Variants in CDK5RAP2 observed in about 807,000 individuals in gnomAD.
CDK5RAP2 encodes the protein CDK5 regulatory subunit associated protein 2, also known as CDK5 regulatory subunit-associated protein 2.
Under a neutral mutation model 232.9 loss-of-function variants are expected in CDK5RAP2, and 147 were observed. That is an observed-to-expected ratio of 0.63 (90% CI 0.55 to 0.72). The LOEUF is 0.72. Among genes scored for constraint, CDK5RAP2 ranks in the 30% least tolerant of loss-of-function variants. CDK5RAP2 has a pLI of 0.00. For synonymous variants in CDK5RAP2, 833 were observed against 833.7 expected, an observed-to-expected ratio of 1.00 and a Z score of 0.01; for missense variants, 2,195 against 2,231.5, an observed-to-expected ratio of 0.98 and a Z score of 0.33.
At position 120,550,825 on chromosome 9, in the gene CDK5RAP2, T is replaced by C. The variant is rs1313839757; in HGVS notation, c.273A>G (p.Glu91=). ...IYFLEERMQQ[E]FHGPTEHIYK... is the part of the protein sequence containing the mutation. ...AGATATGTTCAGTGGGGCCATGAAA[T>C]TCCTGTTGCATTCTTTCCTCAAGGA... The change falls in exon 4 of 38, where the codon GAA becomes GAG. Residue 91 remains glutamate (E), a synonymous_variant. Coordinates refer to ENST00000349780, the MANE Select transcript of CDK5RAP2 (RefSeq NM_018249.6). 1.2e-6 allele frequency: 2 copies of C among 1,612,680 alleles called. No individual in the cohort carries two copies. The highest frequency in any genetic ancestry group is 2.2e-5 in the East Asian group (1 of 44,844).
chr9:120,508,633 C>T (rs2039941038), intron 12 of CDK5RAP2, among the ~76,000 whole-genome samples: 1 of 152,188 alleles, frequency 6.6e-6, no homozygotes, highest in African/African-American at 2.4e-5. Context: ...TCATGGACCC[C>T]AAACCTTGGC....
intron 12 of CDK5RAP2, among the ~76,000 whole-genome samples, chr9:120,507,910 TAAAAAAAAAAAAAAAAAAAA>T (rs1161123095): frequency 1.7e-5 from 1 of 59,430 alleles, no homozygotes; most frequent in African/African-American, 8.2e-5. Context: ...ACTGGCTGAT[TAAAAAAAAAAAAAAAAAAAA>T]AAAAAAAAAA....
chr9:120,532,654 G>A (rs775049531), intron 7 of CDK5RAP2: 1 of 152,394 alleles, frequency 6.6e-6, no homozygotes, highest in African/African-American at 2.4e-5. Flanking sequence ...CCACAAAGAG[G>A]GCCACACCCT....
intron 20 of CDK5RAP2, among the ~76,000 whole-genome samples, chr9:120,454,238 G>A (rs370530211): frequency 7.2e-5 from 11 of 152,308 alleles, no homozygotes; most frequent in African/African-American, 1.4e-4. Flanking sequence ...ACTCTACCCC[G>A]CCAGCCAACC....
intron 12 of CDK5RAP2, among the ~76,000 whole-genome samples, chr9:120,508,559 T>C (rs939890112): frequency 3.3e-5 from 5 of 152,242 alleles, no homozygotes; most frequent in Non-Finnish European, 7.3e-5. Flanking sequence ...AAGGGCTTGA[T>C]GTAGCTTTCA....
At chr9:120,415,399 A>G (rs1384738224) in intron 27 of CDK5RAP2, among the ~76,000 whole-genome samples, 2 of 152,236 alleles carry the variant, frequency 1.3e-5, no homozygotes, top group Non-Finnish European at 2.9e-5. Flanking sequence ...CATAGAAAAA[A>G]TTATATTCCA....
intron 12 of CDK5RAP2, among the ~76,000 whole-genome samples, chr9:120,509,520 TAA>T (rs1187282428): frequency 6.6e-6 from 1 of 152,232 alleles, no homozygotes; most frequent in Non-Finnish European, 1.5e-5. Context: ...TTAATGAGTT[TAA>T]GCTGTTGGCT....
At chr9:120,496,079 C>T (rs2039209828) in intron 12 of CDK5RAP2, among the ~76,000 whole-genome samples, 6 of 59,264 alleles carry the variant, frequency 1.0e-4, no homozygotes, top group Admixed American at 2.5e-4. Flanking sequence ...AGGTGAGGGG[C>T]GCCTCTGCCC....
At chr9:120,559,753 G>A (rs1421179817) in intron 3 of CDK5RAP2, among the ~76,000 whole-genome samples, 2 of 152,076 alleles carry the variant, frequency 1.3e-5, no homozygotes, top group Non-Finnish European at 2.9e-5. Context: ...TACTGTGGAA[G>A]TGCAGCCATC....
chr9:120,568,880 C>T (rs1205402501), intron 2 of CDK5RAP2, among the ~76,000 whole-genome samples: 5 of 152,162 alleles, frequency 3.3e-5, no homozygotes, highest in Non-Finnish European at 7.3e-5. Context: ...AAAACAGCCA[C>T]AAACAATCCA....
At position 120,525,948 on chromosome 9, in the gene CDK5RAP2, C is replaced by A. The variant is rs554788121; in HGVS notation, c.1000-870G>T. Among the ~76,000 whole-genome samples, 6 of 152,316 alleles carry A rather than the reference C, an allele frequency of 3.9e-5. No homozygotes were observed. In the South Asian group the frequency reaches 1.2e-3, roughly 32 times the overall value. Reference sequence around the variant, plus strand: ...ACTATCACTAGGAGGCAAATCTCTGCTGCATCTGACAGTGGTGATCATTCA... The same window carrying A: ...ACTATCACTAGGAGGCAAATCTCTGATGCATCTGACAGTGGTGATCATTCA... On this transcript the variant is annotated intron_variant, in intron 10 of 37. Transcript: ENST00000349780.
At chr9:120,564,980 G>A (rs758938583) in intron 3 of CDK5RAP2, among the ~76,000 whole-genome samples, 33 of 152,136 alleles carry the variant, frequency 2.2e-4, no homozygotes, top group Admixed American at 9.2e-4. Flanking sequence ...CTGATTTACC[G>A]ACTTCCTACC....
In CDK5RAP2 at chr9:120,579,989, G is replaced by C. The variant is rs754910975; in HGVS notation, c.-11C>G. The C allele has an allele frequency of 5.0e-6, 8 of 1,597,644 alleles. No individual in the cohort carries two copies. The highest frequency in any genetic ancestry group is 1.1e-5 in the South Asian group (1 of 90,608). ...CACCAAGTCCATCATGGCTACAGAGGTGGCGACAGCGTTGGTGTCTGTGGC... is the reference window on the plus strand; with the variant it reads ...CACCAAGTCCATCATGGCTACAGAGCTGGCGACAGCGTTGGTGTCTGTGGC... On this transcript the variant is annotated 5_prime_UTR_variant, in exon 1 of 38. Transcript: ENST00000349780.
chr9:120,466,167 T>G (rs1351490294), intron 18 of CDK5RAP2, among the ~76,000 whole-genome samples: 1 of 152,208 alleles, frequency 6.6e-6, no homozygotes, highest in Non-Finnish European at 1.5e-5. Flanking sequence ...TACCCAGACC[T>G]CACTTTGCAA....
chr9:120,469,062 G>C (rs2037544495), intron 17 of CDK5RAP2, among the ~76,000 whole-genome samples: 1 of 152,160 alleles, frequency 6.6e-6, no homozygotes, highest in Admixed American at 6.5e-5. Context: ...GGCACTAGCA[G>C]CAGCTATTAT....
intron 21 of CDK5RAP2, among the ~76,000 whole-genome samples, chr9:120,450,654 T>A (rs2036435415): frequency 6.6e-6 from 1 of 152,192 alleles, no homozygotes; most frequent in African/African-American, 2.4e-5. Flanking sequence ...TAAGGGCCCC[T>A]TCTTGAACAT....
chr9:120,568,216 G>C, intron 3 of CDK5RAP2, 105 bp downstream of exon 3: 2 of 870,226 alleles, frequency 2.3e-6, no homozygotes, highest in Non-Finnish European at 4.0e-6. Context: ...CCTGCCTCTG[G>C]CATCACCGAA....
At chr9:120,393,834 GA>G (rs2131207397) in intron 36 of CDK5RAP2, among the ~76,000 whole-genome samples, 1 of 152,252 alleles carries the variant, frequency 6.6e-6, no homozygotes, top group African/African-American at 2.4e-5. Context: ...CCCTCCTCTG[GA>G]TCCCCAGCGT....
intron 25 of CDK5RAP2, among the ~76,000 whole-genome samples, chr9:120,436,331 C>T (rs1214956771): frequency 2.0e-5 from 3 of 151,870 alleles, no homozygotes; most frequent in East Asian, 1.9e-4. Flanking sequence ...GTTCACATCA[C>T]GAAAAGAAGA....
Sources: gnomAD v4.1 joint callset for allele counts (sites outside exome capture counted in the v4.1 genomes callset) on GRCh38, gnomAD v4.1.1 for gene constraint, MANE v1.5 for transcripts, NCBI Gene and HGNC (gene_info 2026-07-23, HGNC 2026-07-21) for gene names.